ACSBG2: variants seen among roughly 807,000 people sequenced by gnomAD.
ACSBG2 encodes the protein acyl-CoA synthetase bubblegum family member 2.
ACSBG2 carries 62 observed loss-of-function variants against 74.7 expected under a neutral mutation model. The observed-to-expected ratio is 0.83, with a 90% CI of 0.68 to 1.03. ACSBG2 has a LOEUF of 1.03. Among genes scored for constraint, ACSBG2 ranks in the 50% least tolerant of loss-of-function variants. ACSBG2 has a pLI of 0.00. For synonymous variants in ACSBG2, 309 were observed against 294.1 expected (o/e 1.05, Z -0.52); for missense variants, 730 against 817.6 (o/e 0.89, Z 1.31).
At chr19:6,154,248 A>G (rs931621213) in intron 4 of ACSBG2, among the ~76,000 whole-genome samples, 2 of 151,012 alleles carry the variant, frequency 1.3e-5, no homozygotes, top group South Asian at 2.1e-4. Flanking sequence ...ACCCCAAAAA[A>G]TTAGCCAGGC....
chr19:6,151,676 T>G, intron 3 of ACSBG2, 31 bp from the exon 4 acceptor site: 1 of 1,553,440 alleles, frequency 6.4e-7, no homozygotes, highest in Non-Finnish European at 8.8e-7. Context: ...GTGTTTATGT[T>G]TTGTTTTTCT....
chr19:6,171,304 A>G (rs967240296), intron 7 of ACSBG2, among the ~76,000 whole-genome samples: 12 of 151,960 alleles, frequency 7.9e-5, no homozygotes, highest in African/African-American at 2.7e-4. Context: ...TAGTTGCTTT[A>G]TAGGGTCTGT....
rs79833882 is a variant in ACSBG2 at position 6,191,171 on chromosome 19, C to T, written c.*35+479C>T. 1,205 of 154,422 alleles carry T rather than the reference C, an allele frequency of 7.8e-3. 18 individuals are homozygous for T. The highest frequency in any genetic ancestry group is 0.028 in the African/African-American group (1,152 of 41,438). 9.6% of individuals were successfully genotyped at this position (154,422 alleles called of 1,614,324 possible). A position where few individuals can be genotyped will look rare whatever the true frequency, so the allele number is the denominator to read the frequency against. Reference sequence around the variant, plus strand: ...GAACTTCCACTATCCACCGTTTATCCTCTCTTTTCCCCAAGACATGTGCAG... The same window carrying T: ...GAACTTCCACTATCCACCGTTTATCTTCTCTTTTCCCCAAGACATGTGCAG... On this transcript the variant is annotated intron_variant, in intron 14 of 14. Coordinates refer to ENST00000588485, the MANE Select transcript of ACSBG2 (RefSeq NM_030924.5).
rs1252973749 is a variant in ACSBG2 at position 6,156,564 on chromosome 19, C to G, written c.507+13C>G. The stretch of plus-strand genomic sequence containing the variant: ...GAAAATCCTTTCGGTAAACCCCTAC[C>G]CAGCACTGCCTGCCAAAGTCACCCA... On this transcript the variant is annotated intron_variant, in intron 5 of 14. Transcript: ENST00000588485. The G allele has an allele frequency of 2.0e-6, 3 of 1,534,212 alleles. No individual in the cohort carries two copies. The highest frequency in any genetic ancestry group is 2.6e-6 in the Non-Finnish European group (3 of 1,139,880).
chr19:6,136,328 G>A (rs1488933735), intron 1 of ACSBG2, among the ~76,000 whole-genome samples: 8 of 151,950 alleles, frequency 5.3e-5, no homozygotes, highest in African/African-American at 1.9e-4. Context: ...TCCTGACCTC[G>A]TGATCCACCC....
At chr19:6,182,693 G>T in intron 8 of ACSBG2, 58 bp from the exon 9 acceptor site, 2 of 1,539,872 alleles carry the variant, frequency 1.3e-6, no homozygotes, top group Non-Finnish European at 1.8e-6. Context: ...CAGGAGAGAT[G>T]GACATCCCTG....
chr19:6,183,053 C>G lies in ACSBG2; in HGVS notation c.1103C>G (p.Pro368Arg). 6.2e-7 allele frequency: 1 copy of G among 1,614,120 alleles called. No homozygotes were observed. ...SKKMLGKYNT[P>R]VSYRMAKTLV... ...CTTATTCACAGGAAATATAATACTC[C>G]CGTGAGCTACCGCATGGCTAAGACT... Residue 368 changes from proline (P) to arginine (R), a missense_variant, in exon 10 of 15, where the codon CCC (proline) becomes CGC (arginine). By Grantham distance (103) the Pro-to-Arg change is moderately radical. Transcript: ENST00000588485.
At chr19:6,147,979 T>C (rs1264133232) in intron 3 of ACSBG2, among the ~76,000 whole-genome samples, 1 of 152,246 alleles carries the variant, frequency 6.6e-6, no homozygotes, top group Non-Finnish European at 1.5e-5. Flanking sequence ...CATCTTGCAT[T>C]TGTCCCTAAC....
chr19:6,143,410 A>T (rs10775590), intron 2 of ACSBG2, among the ~76,000 whole-genome samples: 1 of 151,316 alleles, frequency 6.6e-6, no homozygotes, highest in Non-Finnish European at 1.5e-5. Context: ...AAACAAAAAC[A>T]AAAACAAACA....
At chr19:6,138,679 G>T (rs2088694786) in intron 1 of ACSBG2, among the ~76,000 whole-genome samples, 1 of 96,882 alleles carries the variant, frequency 1.0e-5, no homozygotes, top group African/African-American at 4.6e-5. Flanking sequence ...CAGGGACGGA[G>T]GGAGGAAGGA....
intron 7 of ACSBG2, among the ~76,000 whole-genome samples, chr19:6,172,631 A>G (rs2089993145): frequency 6.6e-6 from 1 of 152,230 alleles, no homozygotes; most frequent in Non-Finnish European, 1.5e-5. Flanking sequence ...TGTAATGGAC[A>G]TAACAGCCAA....
In ACSBG2 at chr19:6,183,196, A is replaced by G. The variant is rs2090310901; in HGVS notation, c.1246A>G (p.Ile416Val). The change falls in exon 10 of 15, where the codon ATA becomes GTA. Residue 416 changes from isoleucine (I) to valine (V), a missense_variant. By Grantham distance (29) the Ile-to-Val change is conservative. Transcript: ENST00000588485. ...AEFFLSLDIP[I>V]GELYGLSESS... Reference sequence around the variant, plus strand: ...GTTCTTTCTAAGCTTGGACATACCTATAGGCGAGTTGTATGGGTTGAGTGA... The same window carrying G: ...GTTCTTTCTAAGCTTGGACATACCTGTAGGCGAGTTGTATGGGTTGAGTGA... 1.9e-6 allele frequency: 3 copies of G among 1,614,058 alleles called. No individual in the cohort carries two copies. In the African/African-American group the frequency reaches 4.0e-5, roughly 22 times the overall value.
intron 7 of ACSBG2, chr19:6,176,427 C>T (rs113425090): frequency 0.012 from 16,708 of 1,447,172 alleles, 381 homozygotes; most frequent in African/African-American, 0.088. Flanking sequence ...TGCCACTGCT[C>T]CTGCCATCCA....
At chr19:6,165,311 TAA>T (rs2089759375) in intron 6 of ACSBG2, among the ~76,000 whole-genome samples, 1 of 152,200 alleles carries the variant, frequency 6.6e-6, no homozygotes, top group Non-Finnish European at 1.5e-5. Context: ...AATTCCCAGG[TAA>T]AGTCTTCATC....
rs1036729152 is a variant in ACSBG2, at chr19:6,135,805, C to A, written c.-136C>A. 6.6e-6 allele frequency: 1 copy of A among 152,292 alleles called. No homozygotes were observed. The highest frequency in any genetic ancestry group is 2.4e-5 in the African/African-American group (1 of 41,440). The allele number at this position is 152,292 out of a possible 1,614,324, so 9.4% of individuals were successfully genotyped here. ...TGTTCAGGTTTCCAGGAGGGGCTAC[C>A]TGTTGACTGTCTTTGCAGGAAGAAG... is the stretch of plus-strand genomic sequence containing the variant. On this transcript the variant is annotated 5_prime_UTR_variant, in exon 1 of 15. The change creates a new upstream start codon in the 5' untranslated region. Transcript: ENST00000588485.
chr19:6,190,158 A>G (rs377043012), intron 13 of ACSBG2: 21 of 179,106 alleles, frequency 1.2e-4, no homozygotes, highest in Non-Finnish European at 1.8e-4. Context: ...GAGGCTTTCA[A>G]TGAAAGTCCT....
At chr19:6,157,289 T>C (rs904576000) in intron 5 of ACSBG2, among the ~76,000 whole-genome samples, 1 of 151,856 alleles carries the variant, frequency 6.6e-6, no homozygotes, top group African/African-American at 2.4e-5. Context: ...GGTGTGGTGG[T>C]TCATGCTTGT....
At chr19:6,168,930 C>T (rs1408810700) in intron 7 of ACSBG2, among the ~76,000 whole-genome samples, 1 of 152,116 alleles carries the variant, frequency 6.6e-6, no homozygotes, top group African/African-American at 2.4e-5. Context: ...AGGCACCCAC[C>T]ACCACACCTG....
At chr19:6,178,322 C>G (rs2090145661) in intron 8 of ACSBG2, among the ~76,000 whole-genome samples, 1 of 152,078 alleles carries the variant, frequency 6.6e-6, no homozygotes, top group Admixed American at 6.6e-5. Flanking sequence ...GTTGCTCCAT[C>G]TGATCTGTCA....
Sources: allele counts gnomAD v4.1 joint callset (sites outside exome capture counted in the v4.1 genomes callset), GRCh38; gene constraint gnomAD v4.1.1; transcripts MANE v1.5; gene names NCBI Gene and HGNC (gene_info 2026-07-23, HGNC 2026-07-21).